The following ARHGEF11 variants were observed in gnomAD, a reference collection of about 807,000 sequenced individuals.
The protein encoded by ARHGEF11 is Rho guanine nucleotide exchange factor 11, also known as Rho guanine exchange factor (GEF) 11.
ARHGEF11 carries 55 observed loss-of-function variants against 193.7 expected under a neutral mutation model. The observed-to-expected ratio is 0.28, with a 90% CI of 0.23 to 0.36. The LOEUF is 0.36. ARHGEF11 is among the 10% of genes least tolerant of loss of function. ARHGEF11 has a pLI of 1.00. For synonymous variants in ARHGEF11, 693 were observed against 768.0 expected, an observed-to-expected ratio of 0.90 and a Z score of 1.62; for missense variants, 1,723 against 2,005.6, an observed-to-expected ratio of 0.86 and a Z score of 2.69.
Position 156,947,028 on chromosome 1 carries a change from G to A in ARHGEF11, c.2489-13C>T, listed in dbSNP as rs200377285. ...TCACACCAGGAATCTGGGGCAGGAA[G>A]AGAACAAATAGAAATGCCTGGGGTT... On this transcript the variant is annotated splice_polypyrimidine_tract_variant and intron_variant, in intron 26 of 40. Transcript: ENST00000368194. The A allele has an allele frequency of 1.2e-6, 2 of 1,614,210 alleles. No homozygotes were observed. Among genetic ancestry groups the A allele is most frequent in the East Asian group, 2.2e-5 (1 of 44,882 alleles).
At chr1:156,969,780 C>T (rs540013143) in intron 9 of ARHGEF11, among the ~76,000 whole-genome samples, 28 of 152,312 alleles carry the variant, frequency 1.8e-4, no homozygotes, top group Admixed American at 5.2e-4. Flanking sequence ...TCTTACTAGC[C>T]CTTATCTATC....
At chr1:157,014,462 T>C (rs923421090) in intron 1 of ARHGEF11, among the ~76,000 whole-genome samples, 3 of 151,992 alleles carry the variant, frequency 2.0e-5, no homozygotes, top group South Asian at 4.2e-4. Context: ...GGCTGGAGTG[T>C]AGTGGTGCCA....
intron 1 of ARHGEF11, among the ~76,000 whole-genome samples, chr1:157,041,850 A>G (rs976441645): frequency 2.0e-5 from 3 of 152,156 alleles, no homozygotes; most frequent in South Asian, 2.1e-4. Context: ...CCCCAGTTGC[A>G]TGCTCTCTCT....
At position 156,941,432 on chromosome 1, in the gene ARHGEF11, C is replaced by T; in HGVS notation, c.3454G>A (p.Val1152Ile). 2 of 1,613,650 alleles carry T rather than the reference C, an allele frequency of 1.2e-6. No homozygotes were observed. The highest frequency in any genetic ancestry group is 2.2e-5 in the South Asian group (2 of 91,054). The change falls in exon 35 of 41, where the codon GTA becomes ATA. Residue 1152 changes from valine (V) to isoleucine (I), a missense_variant and splice_region_variant. Around this residue, in one of 5 missense-constraint regions of ARHGEF11, gnomAD observed 203 missense variants for 237.3 expected, o/e 0.86. Transcript: ENST00000368194. ...PAQQGPTPSR[V>I]ELDDSDVFHG... ...AACACGTCTGAGTCATCCAGTTCTA[C>T]CCTGAGGAAGGAAACCAACACAGGA...
At chr1:157,026,113 G>A (rs1033759913) in intron 1 of ARHGEF11, among the ~76,000 whole-genome samples, 11 of 152,200 alleles carry the variant, frequency 7.2e-5, no homozygotes, top group African/African-American at 1.2e-4. Context: ...CCCTGATGAC[G>A]TAAGTATCAT....
At chr1:157,034,124 T>C (rs1297191747) in intron 1 of ARHGEF11, among the ~76,000 whole-genome samples, 2 of 152,190 alleles carry the variant, frequency 1.3e-5, no homozygotes, top group Admixed American at 1.3e-4. Context: ...CCTAGTGGTA[T>C]TTTTCCCCTC....
rs1428433654 is a variant in ARHGEF11, at chr1:156,956,403, C to T, written c.1671+17G>A. ...GTACTAGGATTACAGGCATGAGCCACCATGCCCGGCCCTCACCTTCTTGGT... is the reference window on the plus strand; with the variant it reads ...GTACTAGGATTACAGGCATGAGCCATCATGCCCGGCCCTCACCTTCTTGGT... On this transcript the variant is annotated intron_variant, in intron 19 of 40. Transcript: ENST00000368194. 6.2e-7 allele frequency: 1 copy of T among 1,613,468 alleles called. No individual in the cohort carries two copies. Among genetic ancestry groups the T allele is most frequent in the African/African-American group, 1.3e-5 (1 of 74,930 alleles).
At chr1:156,985,929 G>C (rs905729609) in intron 2 of ARHGEF11, 153 bp downstream of exon 2, 1 of 605,132 alleles carries the variant, frequency 1.7e-6, no homozygotes. Context: ...TATTGATGCT[G>C]AACTTAGTAC....
At chr1:157,027,885 T>C (rs1334635058) in intron 1 of ARHGEF11, among the ~76,000 whole-genome samples, 2 of 152,156 alleles carry the variant, frequency 1.3e-5, no homozygotes, top group Non-Finnish European at 2.9e-5. Flanking sequence ...GAGGTCGCCA[T>C]GTAGAAAGAT....
chr1:156,936,093 G>A, intron 40 of ARHGEF11, 35 bp from the exon 41 acceptor site: 1 of 1,604,386 alleles, frequency 6.2e-7, no homozygotes, highest in Non-Finnish European at 8.5e-7. Flanking sequence ...GAACTGGCCA[G>A]CCTGAGGTGA....
At chr1:156,986,753 A>G (rs564313918) in intron 1 of ARHGEF11, among the ~76,000 whole-genome samples, 14 of 152,316 alleles carry the variant, frequency 9.2e-5, no homozygotes, top group African/African-American at 2.9e-4. Flanking sequence ...CCACCTCTCC[A>G]TAACAGTGAT....
intron 1 of ARHGEF11, among the ~76,000 whole-genome samples, chr1:157,031,205 G>C (rs539047574): frequency 4.1e-4 from 63 of 152,268 alleles, no homozygotes; most frequent in African/African-American, 1.4e-3. Flanking sequence ...TAAATGTGCT[G>C]AATGAATTTT....
At chr1:156,965,872 A>G (rs929788031) in intron 11 of ARHGEF11, among the ~76,000 whole-genome samples, 1 of 152,190 alleles carries the variant, frequency 6.6e-6, no homozygotes, top group Non-Finnish European at 1.5e-5. Context: ...GAAACTTAAG[A>G]GCTCTGTGTC....
intron 1 of ARHGEF11, among the ~76,000 whole-genome samples, chr1:157,019,739 G>A (rs989853853): frequency 2.0e-5 from 3 of 152,110 alleles, no homozygotes; most frequent in African/African-American, 7.2e-5. Context: ...AATTGTGTTG[G>A]TTGAAAAAAG....
intron 1 of ARHGEF11, among the ~76,000 whole-genome samples, chr1:157,008,033 T>C (rs1210284280): frequency 6.6e-6 from 1 of 151,794 alleles, no homozygotes; most frequent in Non-Finnish European, 1.5e-5. Flanking sequence ...TAAGCCTAAC[T>C]GCCTAACTCT....
intron 1 of ARHGEF11, among the ~76,000 whole-genome samples, chr1:157,022,987 T>C (rs1571546003): frequency 6.6e-6 from 1 of 152,076 alleles, no homozygotes; most frequent in South Asian, 2.1e-4. Flanking sequence ...CCTCATACCA[T>C]ACATAAAAAT....
intron 1 of ARHGEF11, among the ~76,000 whole-genome samples, chr1:157,008,217 A>G (rs1668089044): frequency 6.6e-6 from 1 of 152,174 alleles, no homozygotes; most frequent in Non-Finnish European, 1.5e-5. Context: ...TAAGGACTAC[A>G]GCCTTTGTTA....
rs1162954344 is a variant in ARHGEF11 at position 156,996,796 on chromosome 1, AC to A, written c.33-10624del. 3.2e-3 allele frequency among the ~76,000 whole-genome samples: 380 copies of A among 118,708 alleles called. 3 individuals are homozygous for A. The highest frequency in any genetic ancestry group is 0.023 in the East Asian group (65 of 2,780). 77.9% of individuals were successfully genotyped at this position (118,708 alleles called of 152,430 possible). ...TCAAAAAAAAAAAAAAAAAAAAAAG[AC>A]AAGGGTCTCCATCCTGATTCTGCCA... On this transcript the variant is annotated intron_variant, in intron 1 of 40. Transcript: ENST00000368194.
chr1:156,963,097 G>T, intron 13 of ARHGEF11, 106 bp downstream of exon 13: 1 of 825,170 alleles, frequency 1.2e-6, no homozygotes, highest in Non-Finnish European at 2.0e-6. Context: ...GCCTGACTGT[G>T]CCCATGGATC....
Sources: gnomAD v4.1 joint callset for allele counts (sites outside exome capture counted in the v4.1 genomes callset) on GRCh38, gnomAD v4.1.1 for gene constraint, gnomAD v4.1.1 regional missense constraint, MANE v1.5 for transcripts, NCBI Gene and HGNC (gene_info 2026-07-23, HGNC 2026-07-21) for gene names.